TRPC7: variants seen among roughly 807,000 people sequenced by gnomAD.
The protein encoded by TRPC7 is transient receptor potential cation channel subfamily C member 7, also known as short transient receptor potential channel 7.
In TRPC7, 42 loss-of-function variants were observed where a neutral mutation model predicts 90.1. That is an observed-to-expected ratio of 0.47 (90% CI 0.36 to 0.60). The LOEUF is 0.60. TRPC7 is among the 20% of genes least tolerant of loss of function. The pLI, the probability that TRPC7 is intolerant of heterozygous loss-of-function variation, is 0.00. For missense variants in TRPC7, 955 were observed against 1,112.3 expected (o/e 0.86, Z 2.01); for synonymous variants, 451 against 436.3 (o/e 1.03, Z -0.42).
At chr5:136,338,870 C>T (rs1434779808) in intron 2 of TRPC7, among the ~76,000 whole-genome samples, 1 of 151,922 alleles carries the variant, frequency 6.6e-6, no homozygotes, top group Non-Finnish European at 1.5e-5. Flanking sequence ...TACCACTCTA[C>T]AGCCTAAAAA....
intron 2 of TRPC7, among the ~76,000 whole-genome samples, chr5:136,322,668 A>G (rs1319934393): frequency 6.6e-6 from 1 of 152,124 alleles, no homozygotes; most frequent in Non-Finnish European, 1.5e-5. Context: ...TATGCCCTGC[A>G]TGTCAATTTC....
Position 136,328,314 on chromosome 5 carries a change from G to A in TRPC7, c.781-12535C>T, listed in dbSNP as rs868738700. On this transcript the variant is annotated intron_variant, in intron 2 of 11. Transcript: ENST00000513104. ...ATCCCCTGAGAGGTCTGACACTCCA[G>A]CTCTGCCACTGGTTACCTGCTGCTT... Among the ~76,000 whole-genome samples, 4 of 152,308 alleles carry A rather than the reference G, an allele frequency of 2.6e-5. No homozygotes were observed. In the Middle Eastern group the frequency reaches 0.014, roughly 518 times the overall value.
At chr5:136,309,175 G>A (rs1758745942) in intron 3 of TRPC7, among the ~76,000 whole-genome samples, 1 of 152,192 alleles carries the variant, frequency 6.6e-6, no homozygotes, top group Non-Finnish European at 1.5e-5. Flanking sequence ...GGCACATTTT[G>A]TGTGCTCCCA....
intron 2 of TRPC7, among the ~76,000 whole-genome samples, chr5:136,324,080 T>A (rs1049723256): frequency 2.6e-5 from 4 of 152,188 alleles, no homozygotes; most frequent in Non-Finnish European, 5.9e-5. Context: ...ATTGGAAATA[T>A]TTACAAATTT....
rs752304356 is a variant in TRPC7 at position 136,357,074 on chromosome 5, C to A, written c.314G>T (p.Arg105Leu). ...ELLLKKENLA[R>L]VGDALLLAIS... Reference sequence around the variant, plus strand: ...GGCCAGCAGCAGCGCGTCCCCCACCCGTGCCAGGTTCTCCTTCTTCAGCAG... The same window carrying A: ...GGCCAGCAGCAGCGCGTCCCCCACCAGTGCCAGGTTCTCCTTCTTCAGCAG... The change falls in exon 2 of 12, where the codon CGG (arginine) becomes CTG (leucine). Residue 105 changes from arginine to leucine, a missense_variant. Around this residue, in one of 4 missense-constraint regions of TRPC7, gnomAD observed 161 missense variants for 145.7 expected, o/e 1.10. Coordinates refer to ENST00000513104, the MANE Select transcript of TRPC7 (RefSeq NM_020389.3). 1.2e-5 allele frequency: 20 copies of A among 1,613,802 alleles called. No homozygotes were observed. The highest frequency in any genetic ancestry group is 1.6e-5 in the Non-Finnish European group (19 of 1,179,944).
chr5:136,348,257 C>T (rs1346365481), intron 2 of TRPC7, among the ~76,000 whole-genome samples: 2 of 152,234 alleles, frequency 1.3e-5, no homozygotes, highest in African/African-American at 4.8e-5. Context: ...TCTTTAGCAT[C>T]CATGTCACCT....
At chr5:136,233,904 T>C (rs1471691134) in intron 7 of TRPC7, among the ~76,000 whole-genome samples, 2 of 152,236 alleles carry the variant, frequency 1.3e-5, no homozygotes, top group South Asian at 2.1e-4. Flanking sequence ...GATTTATCCT[T>C]GGTGCCTTCT....
chr5:136,365,416 G>A lies in TRPC7; in HGVS notation c.-162C>T, dbSNP rs1760692835. On this transcript the variant is annotated 5_prime_UTR_variant, in exon 1 of 12. Transcript: ENST00000513104. ...TGAGTTAAGTTGCAACGATGTGAAA[G>A]CGCGCTCCTCTGTTCTTTGTGTTGC... 2.8e-6 allele frequency: 2 copies of A among 717,704 alleles called. No individual in the cohort carries two copies. The allele number at this position is 717,704 out of a possible 1,614,324, so 44.5% of individuals were successfully genotyped here. A position where few individuals can be genotyped will look rare whatever the true frequency, so the allele number is the denominator to read the frequency against.
chr5:136,286,773 C>A (rs1240924999), intron 3 of TRPC7, among the ~76,000 whole-genome samples: 2 of 152,190 alleles, frequency 1.3e-5, no homozygotes, highest in Non-Finnish European at 2.9e-5. Context: ...ACATTGTCTC[C>A]TTCTCCATGG....
At chr5:136,279,681 G>A (rs918766731) in intron 3 of TRPC7, among the ~76,000 whole-genome samples, 10 of 152,166 alleles carry the variant, frequency 6.6e-5, no homozygotes, top group African/African-American at 1.9e-4. Flanking sequence ...CACCCCACTG[G>A]AGGCTATGCC....
chr5:136,251,568 A>T, intron 6 of TRPC7, 81 bp downstream of exon 6: 1 of 1,153,424 alleles, frequency 8.7e-7, no homozygotes, highest in Non-Finnish European at 1.2e-6. Context: ...ATAGCGTTAC[A>T]AGTTCACCAG....
chr5:136,223,081 T>C (rs1318940624), intron 10 of TRPC7, among the ~76,000 whole-genome samples: 1 of 152,246 alleles, frequency 6.6e-6, no homozygotes, highest in Non-Finnish European at 1.5e-5. Flanking sequence ...CTCTGATGCC[T>C]ACTGGCTGGC....
At chr5:136,316,994 C>T (rs1201809265) in intron 2 of TRPC7, among the ~76,000 whole-genome samples, 4 of 152,218 alleles carry the variant, frequency 2.6e-5, no homozygotes, top group Non-Finnish European at 5.9e-5. Context: ...TGATTCTTAT[C>T]TCCTTCCAGG....
intron 9 of TRPC7, 54 bp from the exon 10 acceptor site, chr5:136,225,408 C>T (rs1755593438): frequency 1.3e-6 from 2 of 1,540,092 alleles, no homozygotes; most frequent in South Asian, 2.3e-5. Context: ...TACATGCATC[C>T]CTACATATCT....
intron 2 of TRPC7, among the ~76,000 whole-genome samples, chr5:136,334,169 A>C (rs1389167797): frequency 6.6e-6 from 1 of 152,248 alleles, no homozygotes; most frequent in Admixed American, 6.5e-5. Flanking sequence ...CAGAATTGGC[A>C]TCATCAGATA....
At chr5:136,300,335 A>G (rs1280498674) in intron 3 of TRPC7, among the ~76,000 whole-genome samples, 1 of 152,132 alleles carries the variant, frequency 6.6e-6, no homozygotes, top group African/African-American at 2.4e-5. Context: ...TGGGGCAGCA[A>G]CTCAGGCTCA....
At chr5:136,315,966 C>A (rs1759010683) in intron 2 of TRPC7, 187 bp from the exon 3 acceptor site, 2 of 603,072 alleles carry the variant, frequency 3.3e-6, no homozygotes, top group African/African-American at 3.7e-5. Context: ...GACACGTGAC[C>A]TGAAGGACAT....
rs911957174 is a variant in TRPC7 at position 136,213,424 on chromosome 5, G to A, written c.*11C>T. The stretch of plus-strand genomic sequence containing the variant: ...AATGCTGGTAGAAGTCACAGACGCC[G>A]ATGTGGGCTGCTAAATGTCTTTGCC... On this transcript the variant is annotated 3_prime_UTR_variant, in exon 12 of 12. Transcript: ENST00000513104. 5 of 1,613,230 alleles carry A rather than the reference G, an allele frequency of 3.1e-6. No individual in the cohort carries two copies. The highest frequency in any genetic ancestry group is 4.5e-5 in the East Asian group (2 of 44,868).
chr5:136,269,688 G>A (rs867931557), intron 4 of TRPC7, among the ~76,000 whole-genome samples: 1 of 152,222 alleles, frequency 6.6e-6, no homozygotes, highest in Non-Finnish European at 1.5e-5. Context: ...ATTCCCAAAA[G>A]AATCATGCAC....
Sources: gnomAD v4.1 joint callset for allele counts (sites outside exome capture counted in the v4.1 genomes callset) on GRCh38, gnomAD v4.1.1 for gene constraint, gnomAD v4.1.1 regional missense constraint, MANE v1.5 for transcripts, NCBI Gene and HGNC (gene_info 2026-07-23, HGNC 2026-07-21) for gene names.